Variants in PPP4R4 observed in about 807,000 individuals in gnomAD.
PPP4R4 encodes the protein serine/threonine-protein phosphatase 4 regulatory subunit 4.
Under a neutral mutation model 121.8 loss-of-function variants are expected in PPP4R4, and 70 were observed. That is an observed-to-expected ratio of 0.57 (90% CI 0.47 to 0.70). PPP4R4 has a LOEUF of 0.70. Ranked by LOEUF, PPP4R4 falls within the 30% of genes least tolerant of loss-of-function variation. The probability of loss-of-function intolerance (pLI) is 0.00; values close to 1 mark genes in which losing one functional copy is unlikely to be tolerated. For missense variants in PPP4R4, 875 were observed against 1,033.6 expected (o/e 0.85, Z 2.10); for synonymous variants, 348 against 355.7 (o/e 0.98, Z 0.24).
intron 24 of PPP4R4, 40 bp from the exon 25 acceptor site, chr14:94,278,579 C>T: frequency 6.9e-7 from 1 of 1,442,070 alleles, no homozygotes; most frequent in Admixed American, 1.8e-5. Flanking sequence ...TCCCTCCTTC[C>T]CCACCCTCCC....
intron 18 of PPP4R4, 120 bp downstream of exon 18, chr14:94,258,944 G>A: frequency 1.1e-6 from 1 of 935,036 alleles, no homozygotes; most frequent in Non-Finnish European, 1.6e-6. Flanking sequence ...GTTCCACGTG[G>A]CTGGGGAGGC....
chr14:94,258,044 A>G (rs905701451), intron 17 of PPP4R4, among the ~76,000 whole-genome samples: 2 of 152,188 alleles, frequency 1.3e-5, no homozygotes, highest in Non-Finnish European at 2.9e-5. Flanking sequence ...GTTTTATAAT[A>G]TGAGAAGTAA....
At position 94,275,309 on chromosome 14, in the gene PPP4R4, T is replaced by C. The variant is rs1224893242; in HGVS notation, c.2450-65T>C. On this transcript the variant is annotated intron_variant, in intron 23 of 24. Coordinates refer to ENST00000304338, the MANE Select transcript of PPP4R4 (RefSeq NM_058237.2). ...AAAGTTAGCTATCATTAACCTTTTCTTCTCTTTGGTTACCCTCTTTGTTAG... is the reference window on the plus strand; with the variant it reads ...AAAGTTAGCTATCATTAACCTTTTCCTCTCTTTGGTTACCCTCTTTGTTAG... 3.2e-6 allele frequency: 5 copies of C among 1,549,048 alleles called. No individual in the cohort carries two copies. The East Asian group carries it at 1.1e-4, about 35-fold the overall frequency.
At chr14:94,179,950 ACTT>A (rs3064077) in intron 2 of PPP4R4, among the ~76,000 whole-genome samples, 68,883 of 151,798 alleles carry the variant, frequency 0.45, 18,199 homozygotes, top group Non-Finnish European at 0.61. Context: ...GAATTAAGGA[ACTT>A]CTGATATTTT....
At chr14:94,186,695 A>G (rs777105378) in intron 2 of PPP4R4, among the ~76,000 whole-genome samples, 1 of 152,214 alleles carries the variant, frequency 6.6e-6, no homozygotes, top group Non-Finnish European at 1.5e-5. Context: ...TGATGGTACC[A>G]TTTTACATTT....
In PPP4R4 at chr14:94,273,303, G is replaced by T. The variant is rs963446366; in HGVS notation, c.2450-2071G>T. 9.9e-5 allele frequency among the ~76,000 whole-genome samples: 15 copies of T among 152,244 alleles called. No homozygotes were observed. In the East Asian group the frequency reaches 2.5e-3, roughly 25 times the overall value. ...GTGGAATATTATGCAGTGCTAAAAT[G>T]AAATGAGCTATCAGGCCATGAAAAG... On this transcript the variant is annotated intron_variant, in intron 23 of 24. Transcript: ENST00000304338.
intron 8 of PPP4R4, 87 bp downstream of exon 8, chr14:94,237,773 G>A: frequency 6.8e-7 from 1 of 1,464,044 alleles, no homozygotes; most frequent in Non-Finnish European, 9.3e-7. Flanking sequence ...AGTAGATTTA[G>A]AATTTCCTAT....
At chr14:94,257,062 A>G (rs1893512699) in intron 17 of PPP4R4, among the ~76,000 whole-genome samples, 1 of 152,108 alleles carries the variant, frequency 6.6e-6, no homozygotes, top group Non-Finnish European at 1.5e-5. Context: ...TGTCTACTTG[A>G]GATCATATTA....
chr14:94,276,320 C>G (rs1894636256), intron 24 of PPP4R4, among the ~76,000 whole-genome samples: 1 of 152,198 alleles, frequency 6.6e-6, no homozygotes, highest in Admixed American at 6.5e-5. Context: ...TTTGCAAAAA[C>G]TGTGCTGGAG....
chr14:94,180,904 A>G lies in PPP4R4; in HGVS notation c.191+4777A>G, dbSNP rs1192372392. On this transcript the variant is annotated intron_variant, in intron 2 of 24. Transcript: ENST00000304338. Reference sequence around the variant, plus strand: ...AGAGTGAGATTTCTGCAGTCAAATCAGTGGAAATAAACAAGTGTTGTACCA... The same window carrying G: ...AGAGTGAGATTTCTGCAGTCAAATCGGTGGAAATAAACAAGTGTTGTACCA... Among the ~76,000 whole-genome samples the G allele has an allele frequency of 3.3e-5, 5 of 152,116 alleles. No homozygotes were observed. In the East Asian group the frequency reaches 9.6e-4, roughly 29 times the overall value.
In PPP4R4 at chr14:94,175,794, A is replaced by G. The variant is rs1888647912; in HGVS notation, c.118-260A>G. The G allele has an allele frequency of 8.3e-6, 4 of 483,498 alleles. No individual in the cohort carries two copies. The East Asian group carries it at 1.2e-4, about 15-fold the overall frequency. The allele number at this position is 483,498 out of a possible 1,614,324, so 30.0% of individuals were successfully genotyped here. On this transcript the variant is annotated intron_variant, in intron 1 of 24. Transcript: ENST00000304338. The stretch of plus-strand genomic sequence containing the variant: ...GCCAAGGTTCTGAAGCCACGATGTG[A>G]TTTTCAAGCTGCAGTCCAGGAGCTA...
Position 94,227,977 on chromosome 14 carries a change from G to A in PPP4R4, c.295-2610G>A, listed in dbSNP as rs368586950. The A allele has an allele frequency of 4.5e-5, 31 of 692,846 alleles. No homozygotes were observed. In the East Asian group the frequency reaches 2.7e-3, roughly 59 times the overall value. 42.9% of individuals were successfully genotyped at this position (692,846 alleles called of 1,614,324 possible). On this transcript the variant is annotated intron_variant, in intron 3 of 24. Transcript: ENST00000304338. ...GGGGTATGGGAGGATTGATTTCAGA[G>A]ACCACTTGCTGCTTCTGCTTTATAC...
Position 94,245,606 on chromosome 14 carries a change from A to G in PPP4R4, c.1364A>G (p.Asp455Gly), listed in dbSNP as rs1401453395. ...TAAAAGGTACTAGATGCTCTTATAG[A>G]TCATCTTCCAGAAATCTTGGAACTT... ...ESLEVLDALI[D>G]HLPEILELMS... The change falls in exon 13 of 25, where the codon GAT (aspartate) becomes GGT (glycine). Residue 455 changes from aspartate to glycine, a missense_variant. Coordinates refer to ENST00000304338, the MANE Select transcript of PPP4R4 (RefSeq NM_058237.2). The G allele has an allele frequency of 6.3e-7, 1 of 1,592,308 alleles. No homozygotes were observed. Among genetic ancestry groups the G allele is most frequent in the South Asian group, 1.1e-5 (1 of 89,432 alleles).
chr14:94,183,469 C>G (rs962002997), intron 2 of PPP4R4, among the ~76,000 whole-genome samples: 12 of 152,162 alleles, frequency 7.9e-5, no homozygotes, highest in African/African-American at 4.8e-5. Context: ...ACCTTGAATT[C>G]CCTGTTTTGG....
At chr14:94,178,842 A>G (rs1264645348) in intron 2 of PPP4R4, among the ~76,000 whole-genome samples, 1 of 152,190 alleles carries the variant, frequency 6.6e-6, no homozygotes, top group African/African-American at 2.4e-5. Context: ...GATTTTGCGT[A>G]TATTTTTGGA....
chr14:94,186,057 C>T (rs978229465), intron 2 of PPP4R4, among the ~76,000 whole-genome samples: 1 of 152,056 alleles, frequency 6.6e-6, no homozygotes, highest in Non-Finnish European at 1.5e-5. Context: ...TGGATAAATG[C>T]CTAAGAATGT....
chr14:94,250,044 A>G, intron 14 of PPP4R4, 128 bp from the exon 15 acceptor site: 1 of 598,868 alleles, frequency 1.7e-6, no homozygotes, highest in Non-Finnish European at 3.0e-6. Flanking sequence ...AGAAGGATGT[A>G]AGTTCAGTGA....
At chr14:94,233,456 A>G (rs778412611) in intron 5 of PPP4R4, among the ~76,000 whole-genome samples, 197 bp from the exon 6 acceptor site, 1 of 152,224 alleles carries the variant, frequency 6.6e-6, no homozygotes, top group African/African-American at 2.4e-5. Context: ...TTTTAATTGC[A>G]TAATTTGTAA....
intron 22 of PPP4R4, 111 bp downstream of exon 22, chr14:94,265,998 A>T: frequency 1.4e-6 from 1 of 727,768 alleles, no homozygotes; most frequent in Non-Finnish European, 2.2e-6. Flanking sequence ...AGGTTTTTTT[A>T]TAGGCCAGTA....
Sources: gnomAD v4.1 joint callset for allele counts (sites outside exome capture counted in the v4.1 genomes callset) on GRCh38, gnomAD v4.1.1 for gene constraint, MANE v1.5 for transcripts, NCBI Gene and HGNC (gene_info 2026-07-23, HGNC 2026-07-21) for gene names.